RP9: variants seen among roughly 807,000 people sequenced by gnomAD.
The protein encoded by RP9 is retinitis pigmentosa 9 protein.
Under a neutral mutation model 32.6 loss-of-function variants are expected in RP9, and 23 were observed. The observed-to-expected ratio is 0.71, with a 90% confidence interval of 0.51 to 1.00. The LOEUF is 1.00. RP9 is among the 50% of genes least tolerant of loss of function. The pLI is 0.00. For synonymous variants in RP9, 94 were observed against 103.6 expected (o/e 0.91, Z 0.56); for missense variants, 245 against 285.3 (o/e 0.86, Z 1.02).
Position 33,109,403 on chromosome 7 carries a change from C to A in RP9, c.-31G>T, listed in dbSNP as rs1194323411. The stretch of plus-strand genomic sequence containing the variant: ...CCCCCGCAGCGCCGCTCGGGCAACC[C>A]CCGCGGCGCGGCTCCGGCGGCGGCG... On this transcript the variant is annotated 5_prime_UTR_variant, in exon 1 of 6. Transcript: ENST00000297157. This position sits in a 1 kb window ranked among gnomAD's most constrained non-coding sequence, Gnocchi z 4.9. 2 of 1,110,772 alleles carry A rather than the reference C, an allele frequency of 1.8e-6. No individual in the cohort carries two copies. Among genetic ancestry groups the A allele is most frequent in the Non-Finnish European group, 2.2e-6 (2 of 915,834 alleles). 68.8% of individuals were successfully genotyped at this position (1,110,772 alleles called of 1,614,324 possible).
At chr7:33,106,759 C>G (rs2128033987) in intron 1 of RP9, among the ~76,000 whole-genome samples, 1 of 152,184 alleles carries the variant, frequency 6.6e-6, no homozygotes, top group Non-Finnish European at 1.5e-5. Context: ...TCCTGGCCAA[C>G]ATGGTGAAGC....
chr7:33,106,955 A>C (rs1033447945), intron 1 of RP9, among the ~76,000 whole-genome samples: 2 of 151,922 alleles, frequency 1.3e-5, no homozygotes, highest in Admixed American at 6.6e-5. Context: ...AAAAAAAAAA[A>C]CAAAAACCAA....
chr7:33,097,717 T>C (rs939414006), intron 3 of RP9, among the ~76,000 whole-genome samples: 10 of 152,138 alleles, frequency 6.6e-5, no homozygotes, highest in African/African-American at 2.4e-4. Flanking sequence ...CCTCCTGGGT[T>C]CAAGATATTC....
At chr7:33,099,243 T>C in intron 3 of RP9, 64 bp downstream of exon 3, 1 of 1,573,136 alleles carries the variant, frequency 6.4e-7, no homozygotes, top group Admixed American at 1.7e-5. Context: ...ATAAAAGAAG[T>C]AAACACTCTT....
intron 1 of RP9, among the ~76,000 whole-genome samples, chr7:33,107,600 TC>T (rs1169348760): frequency 3.3e-5 from 5 of 151,822 alleles, no homozygotes; most frequent in African/African-American, 1.2e-4. Flanking sequence ...CTATCCTGCA[TC>T]CCCTGCCCTG....
At chr7:33,100,424 C>A in intron 2 of RP9, 107 bp downstream of exon 2, 1 of 997,854 alleles carries the variant, frequency 1.0e-6, no homozygotes, top group Non-Finnish European at 1.6e-6. Context: ...AAGAAACAGG[C>A]TTTTGGTAAA....
rs1406919425 is a variant in RP9, at chr7:33,109,394, C to A, written c.-22G>T. The A allele has an allele frequency of 1.7e-6, 2 of 1,175,426 alleles. No homozygotes were observed. Among genetic ancestry groups the A allele is most frequent in the Non-Finnish European group, 2.1e-6 (2 of 951,228 alleles). 72.8% of individuals were successfully genotyped at this position (1,175,426 alleles called of 1,614,324 possible). ...ACATGTCAGCCCCCGCAGCGCCGCT[C>A]GGGCAACCCCCGCGGCGCGGCTCCG... On this transcript the variant is annotated 5_prime_UTR_variant, in exon 1 of 6. Transcript: ENST00000297157. This position sits in a 1 kb window ranked among gnomAD's most constrained non-coding sequence, Gnocchi z 4.9.
intron 1 of RP9, among the ~76,000 whole-genome samples, chr7:33,106,780 C>T (rs550811597): frequency 6.6e-6 from 1 of 151,942 alleles, no homozygotes; most frequent in Non-Finnish European, 1.5e-5. Context: ...CCCATCTCTA[C>T]TAAAAATATA....
At position 33,100,534 on chromosome 7, in the gene RP9, G is replaced by C. The variant is rs1788409379; in HGVS notation, c.180C>G (p.Ile60Met). 2 of 1,613,256 alleles carry C rather than the reference G, an allele frequency of 1.2e-6. No individual in the cohort carries two copies. The highest frequency in any genetic ancestry group is 1.7e-6 in the Non-Finnish European group (2 of 1,179,224). Reference sequence around the variant, plus strand: ...AGAGTACAAACTTCACACTAACCTTGATAAGCCCAGGAGGAGGTTTTTCGT... The same window carrying C: ...AGAGTACAAACTTCACACTAACCTTCATAAGCCCAGGAGGAGGTTTTTCGT... Reference protein sequence around the residue: ...SFYEKPPPGLIKEDETKPEDC... With the variant: ...SFYEKPPPGLMKEDETKPEDC... The change falls in exon 2 of 6, where the codon ATC becomes ATG. Residue 60 changes from isoleucine to methionine, a missense_variant. Around this residue, in one of 2 missense-constraint regions of RP9, gnomAD observed 182 missense variants for 175.5 expected, o/e 1.04. Coordinates refer to ENST00000297157, the MANE Select transcript of RP9 (RefSeq NM_203288.2).
At chr7:33,095,924 T>C (rs1788325806) in intron 5 of RP9, among the ~76,000 whole-genome samples, 1 of 152,074 alleles carries the variant, frequency 6.6e-6, no homozygotes, top group Non-Finnish European at 1.5e-5. Flanking sequence ...CTCAACCTAC[T>C]GGGGTCAAGT....
rs1258728202 is a variant in RP9 at position 33,099,323 on chromosome 7, T to A, written c.297A>T (p.Glu99Asp). The A allele has an allele frequency of 1.2e-6, 2 of 1,613,378 alleles. No individual in the cohort carries two copies. The highest frequency in any genetic ancestry group is 1.7e-6 in the Non-Finnish European group (2 of 1,180,014). Residue 99 changes from glutamate to aspartate, a missense_variant, in exon 3 of 6, where the codon GAA (glutamate) becomes GAT (aspartate). Coordinates refer to ENST00000297157, the MANE Select transcript of RP9 (RefSeq NM_203288.2). ...CACACTCACACTGCATAACTTTGAC[T>A]TCTTTCCCCAGTGGCATCCAAAGTC... ...TKGLWMPLGK[E>D]VKVMQCWRCK...
intron 1 of RP9, among the ~76,000 whole-genome samples, chr7:33,107,169 C>A (rs1041093560): frequency 6.6e-6 from 1 of 152,158 alleles, no homozygotes; most frequent in African/African-American, 2.4e-5. Context: ...AAACAAGATT[C>A]TGAACTGGCC....
chr7:33,104,690 C>T (rs1788474060), intron 1 of RP9, among the ~76,000 whole-genome samples: 1 of 152,170 alleles, frequency 6.6e-6, no homozygotes, highest in Non-Finnish European at 1.5e-5. Context: ...CTATTTTCCT[C>T]CTGCCTCAGC....
rs1362808325 is a variant in RP9, at chr7:33,109,284, C to T, written c.89G>A (p.Arg30Gln). The change falls in exon 1 of 6, where the codon CGG becomes CAG. Residue 30 changes from arginine to glutamine, a missense_variant. Arg to Gln is a conservative substitution (Grantham distance 43). This residue lies in a region of RP9 where 182 missense variants were observed against 175.5 expected (regional missense o/e 1.04). Transcript: ENST00000297157. The surrounding 1 kb of genome is among the most constrained non-coding windows in gnomAD (Gnocchi z 4.9). Reference protein sequence around the residue: ...EPPEQELQRRREQKRRRHDAQ... With the variant: ...EPPEQELQRRQEQKRRRHDAQ... ...GTCGTGTCGCCGCCGCTTCTGCTCC[C>T]GACGTCGCTGCAGCTCCTGCTCCGG... is the stretch of plus-strand genomic sequence containing the variant. 1.3e-6 allele frequency: 2 copies of T among 1,487,958 alleles called. No homozygotes were observed. The highest frequency in any genetic ancestry group is 1.8e-6 in the Non-Finnish European group (2 of 1,123,286). 92.2% of individuals were successfully genotyped at this position (1,487,958 alleles called of 1,614,324 possible). A position where few individuals can be genotyped will look rare whatever the true frequency, so the allele number is the denominator to read the frequency against.
At chr7:33,095,496 A>C in intron 5 of RP9, 64 bp from the exon 6 acceptor site, 1 of 1,602,766 alleles carries the variant, frequency 6.2e-7, no homozygotes, top group East Asian at 2.2e-5. Flanking sequence ...AGTTGCTTAG[A>C]TAAATATGTC....
At position 33,095,780 on chromosome 7, in the gene RP9, T is replaced by C. The variant is rs1200398883; in HGVS notation, c.468-348A>G. 1.3e-5 allele frequency among the ~76,000 whole-genome samples: 2 copies of C among 152,258 alleles called. 1 individual carries two copies. Among genetic ancestry groups the C allele is most frequent in the East Asian group, 3.9e-4 (2 of 5,184 alleles). On this transcript the variant is annotated intron_variant, in intron 5 of 5. Coordinates refer to ENST00000297157, the MANE Select transcript of RP9 (RefSeq NM_203288.2). ...CTTTAACAGTTATAATGCCACCAAT[T>C]TGAAAAAACAAACCCTCCAATTTTT...
At chr7:33,095,984 T>C (rs1449337285) in intron 5 of RP9, among the ~76,000 whole-genome samples, 1 of 152,104 alleles carries the variant, frequency 6.6e-6, no homozygotes, top group Non-Finnish European at 1.5e-5. Context: ...AGGTGCGTGC[T>C]GCCATACTTG....
At chr7:33,097,837 C>T (rs1383126995) in intron 3 of RP9, among the ~76,000 whole-genome samples, 1 of 152,064 alleles carries the variant, frequency 6.6e-6, no homozygotes, top group Non-Finnish European at 1.5e-5. Flanking sequence ...CCAGGCTGGT[C>T]TTCAACTCCT....
Position 33,109,107 on chromosome 7 carries a change from C to T in RP9, c.152+114G>A. On this transcript the variant is annotated intron_variant, in intron 1 of 5. Transcript: ENST00000297157. This position sits in a 1 kb window ranked among gnomAD's most constrained non-coding sequence, Gnocchi z 4.9. The stretch of plus-strand genomic sequence containing the variant: ...CAGGCTCCTGCCGGGCCCAGCCCCC[C>T]TGCCTGCTCGCGGGGGCTCGGAGGA... The T allele has an allele frequency of 8.0e-6, 11 of 1,382,172 alleles. No individual in the cohort carries two copies. Among genetic ancestry groups the T allele is most frequent in the Non-Finnish European group, 9.4e-6 (10 of 1,066,818 alleles). The allele number at this position is 1,382,172 out of a possible 1,614,324, so 85.6% of individuals were successfully genotyped here. A position where few individuals can be genotyped will look rare whatever the true frequency, so the allele number is the denominator to read the frequency against.
Sources: allele counts gnomAD v4.1 joint callset (sites outside exome capture counted in the v4.1 genomes callset), GRCh38; gene constraint gnomAD v4.1.1; regional missense constraint gnomAD v4.1.1; non-coding constraint Gnocchi (gnomAD v3.1); transcripts MANE v1.5; gene names NCBI Gene and HGNC (gene_info 2026-07-23, HGNC 2026-07-21).